Variants in CNTNAP2 observed in about 807,000 individuals in gnomAD.
CNTNAP2 encodes contactin associated protein 2.
In CNTNAP2, 98 loss-of-function variants were observed where a neutral mutation model predicts 155.2. That is an observed-to-expected ratio of 0.63 (90% CI 0.54 to 0.75). The LOEUF (loss-of-function observed/expected upper bound fraction) is 0.75, where lower values mean the gene tolerates loss of function less well. CNTNAP2 is among the 30% of genes least tolerant of loss of function. The pLI is 0.00. For synonymous variants in CNTNAP2, 651 were observed against 631.2 expected, an observed-to-expected ratio of 1.03 and a Z score of -0.47; for missense variants, 1,727 against 1,688.1, an observed-to-expected ratio of 1.02 and a Z score of -0.40.
intron 16 of CNTNAP2, among the ~76,000 whole-genome samples, chr7:148,128,349 C>T (rs2116624495): frequency 6.6e-6 from 1 of 152,234 alleles, no homozygotes; most frequent in Middle Eastern, 3.4e-3. Flanking sequence ...AAACTATTCT[C>T]TCCCCAAAAA....
chr7:148,188,306 C>T (rs986765555), intron 18 of CNTNAP2, among the ~76,000 whole-genome samples: 3 of 152,058 alleles, frequency 2.0e-5, no homozygotes, highest in Admixed American at 2.0e-4. Flanking sequence ...TCTTTAATAC[C>T]TCAATGTGGA....
chr7:148,222,543 GATGAATGGATCATTCCATGAATCT>G (rs71188952), intron 19 of CNTNAP2, among the ~76,000 whole-genome samples: 5 of 143,052 alleles, frequency 3.5e-5, no homozygotes, highest in African/African-American at 1.3e-4. Flanking sequence ...TCCATGAATC[GATGAATGGATCATTCCATGAATCT>G]ATGAATGGAT....
rs186005214 is a variant in CNTNAP2, at chr7:146,785,122, C to A, written c.208+10741C>A. 2.2e-3 allele frequency among the ~76,000 whole-genome samples: 338 copies of A among 152,036 alleles called. 3 individuals are homozygous for A. The highest frequency in any genetic ancestry group is 7.5e-3 in the African/African-American group (311 of 41,468). On this transcript the variant is annotated intron_variant, in intron 2 of 23. Coordinates refer to ENST00000361727, the MANE Select transcript of CNTNAP2 (RefSeq NM_014141.6). Reference sequence around the variant, plus strand: ...AGTAGCTAAGACTATAGACTCGCACCACCATGCCCTGCTAATTTTTTTTTT... The same window carrying A: ...AGTAGCTAAGACTATAGACTCGCACAACCATGCCCTGCTAATTTTTTTTTT...
chr7:147,758,235 AAAGTC>A (rs1352917776), intron 13 of CNTNAP2, among the ~76,000 whole-genome samples: 4 of 152,376 alleles, frequency 2.6e-5, no homozygotes, highest in African/African-American at 9.6e-5. Flanking sequence ...ACATCAGCTA[AAAGTC>A]TGTTTCTCGA....
intron 2 of CNTNAP2, among the ~76,000 whole-genome samples, chr7:146,794,707 A>G (rs1802738154): frequency 1.3e-5 from 2 of 152,220 alleles, no homozygotes; most frequent in Non-Finnish European, 1.5e-5. Flanking sequence ...GGTACTAACT[A>G]TGATACGAAT....
intron 1 of CNTNAP2, among the ~76,000 whole-genome samples, chr7:146,344,711 T>C (rs1025926808): frequency 6.6e-6 from 1 of 152,166 alleles, no homozygotes; most frequent in African/African-American, 2.4e-5. Context: ...ACTCCTGACC[T>C]AAGGGATCAG....
chr7:147,260,612 C>T (rs1804439824), intron 8 of CNTNAP2, among the ~76,000 whole-genome samples: 2 of 152,066 alleles, frequency 1.3e-5, no homozygotes, highest in Non-Finnish European at 2.9e-5. Flanking sequence ...TACCACAGAA[C>T]CTGTATAATT....
chr7:148,271,545 A>G (rs998076590), intron 21 of CNTNAP2, among the ~76,000 whole-genome samples: 1 of 152,258 alleles, frequency 6.6e-6, no homozygotes, highest in Non-Finnish European at 1.5e-5. Context: ...CCTAAGACCT[A>G]TGCTTTGCTT....
chr7:147,329,144 C>CCACA, intron 9 of CNTNAP2, among the ~76,000 whole-genome samples: 1 of 150,786 alleles, frequency 6.6e-6, no homozygotes, highest in Non-Finnish European at 1.5e-5. Flanking sequence ...GAGCACCCCC[C>CCACA]CACACACACA....
intron 9 of CNTNAP2, among the ~76,000 whole-genome samples, chr7:147,362,771 T>A (rs1796166570): frequency 6.6e-6 from 1 of 152,144 alleles, no homozygotes; most frequent in African/African-American, 2.4e-5. Flanking sequence ...TAGATACAGT[T>A]TTTGGAAACA....
At chr7:146,634,215 A>T (rs546070739) in intron 1 of CNTNAP2, among the ~76,000 whole-genome samples, 1 of 152,222 alleles carries the variant, frequency 6.6e-6, no homozygotes, top group Non-Finnish European at 1.5e-5. Context: ...TTCTTTTGTA[A>T]CAAAGTACTT....
At chr7:148,187,134 ACACACACACACAC>A (rs781309124) in intron 18 of CNTNAP2, among the ~76,000 whole-genome samples, 41 of 151,364 alleles carry the variant, frequency 2.7e-4, no homozygotes, top group South Asian at 6.2e-4. Context: ...ACACACACAC[ACACACACACACAC>A]AAACAGAGCC....
chr7:147,435,658 C>T (rs935875778), intron 10 of CNTNAP2, among the ~76,000 whole-genome samples: 1 of 152,214 alleles, frequency 6.6e-6, no homozygotes, highest in Non-Finnish European at 1.5e-5. Context: ...AGCCTAGACG[C>T]TACTGTTGTG....
intron 12 of CNTNAP2, among the ~76,000 whole-genome samples, chr7:147,571,153 G>C (rs1403707670): frequency 6.6e-6 from 1 of 151,350 alleles, no homozygotes; most frequent in Non-Finnish European, 1.5e-5. Context: ...AAGTTTTAGG[G>C]TACATGTGCA....
intron 1 of CNTNAP2, among the ~76,000 whole-genome samples, chr7:146,190,891 A>T (rs964367688): frequency 1.3e-5 from 2 of 152,140 alleles, no homozygotes; most frequent in African/African-American, 4.8e-5. Context: ...GTTTTCCCTA[A>T]AAAGCATTTT....
intron 8 of CNTNAP2, among the ~76,000 whole-genome samples, chr7:147,172,660 C>A (rs2116479769): frequency 6.6e-6 from 1 of 151,982 alleles, no homozygotes; most frequent in African/African-American, 2.4e-5. Context: ...AGTTACCTAC[C>A]TTTAAAAAAA....
intron 8 of CNTNAP2, among the ~76,000 whole-genome samples, chr7:147,237,324 T>C (rs529226131): frequency 6.6e-6 from 1 of 152,240 alleles, no homozygotes; most frequent in East Asian, 1.9e-4. Context: ...TCACCTGCCT[T>C]GGCCTCCCAA....
At chr7:146,821,540 C>T (rs148943001) in intron 2 of CNTNAP2, among the ~76,000 whole-genome samples, 12,750 of 152,046 alleles carry the variant, frequency 0.084, 1,709 homozygotes, top group African/African-American at 0.28. Flanking sequence ...AGGCAACCTA[C>T]GAAATGGGAG....
intron 11 of CNTNAP2, among the ~76,000 whole-genome samples, chr7:147,534,091 G>A (rs139883891): frequency 0.015 from 2,229 of 152,252 alleles, 33 homozygotes; most frequent in African/African-American, 0.037. Context: ...TGATTTTGGG[G>A]CATTGTGTAA....
Sources: allele counts gnomAD v4.1 joint callset (sites outside exome capture counted in the v4.1 genomes callset), GRCh38; gene constraint gnomAD v4.1.1; transcripts MANE v1.5; gene names NCBI Gene and HGNC (gene_info 2026-07-23, HGNC 2026-07-21).